Variants in RTEL1 observed in about 807,000 individuals in gnomAD.
The protein encoded by RTEL1 is regulator of telomere elongation helicase 1.
RTEL1 carries 86 observed loss-of-function variants against 162.2 expected under a neutral mutation model. The ratio of observed to expected loss-of-function variants is 0.53; its 90% CI spans 0.45 to 0.63. The LOEUF (loss-of-function observed/expected upper bound fraction) is 0.63, where lower values mean the gene tolerates loss of function less well. Ranked by LOEUF, RTEL1 falls within the 30% of genes least tolerant of loss-of-function variation. RTEL1 has a pLI of 0.00. For synonymous variants in RTEL1, 958 were observed against 717.9 expected (o/e 1.33, Z -5.35); for missense variants, 1,941 against 1,750.2 (o/e 1.11, Z -1.95).
Position 63,661,852 on chromosome 20 carries a change from T to G in RTEL1, c.304T>G (p.Cys102Gly). 6.2e-7 allele frequency: 1 copy of G among 1,613,934 alleles called. No individual in the cohort carries two copies. Among genetic ancestry groups the G allele is most frequent in the Non-Finnish European group, 8.5e-7 (1 of 1,179,852 alleles). The change falls in exon 4 of 35, where the codon TGC becomes GGC. Residue 102 changes from cysteine (C) to glycine (G), a missense_variant and splice_region_variant. Coordinates refer to ENST00000360203, the MANE Select transcript of RTEL1 (RefSeq NM_001283009.2). This position sits in a 1 kb window ranked among gnomAD's most constrained non-coding sequence, Gnocchi z 5.1. ...TGTGCTTGCTTGTGTCTGGTCAGCT[T>G]GCTACACGGACATCCCAAAGATTAT... is the stretch of plus-strand genomic sequence containing the variant. Reference protein sequence around the residue: ...AAAAAGDPIACYTDIPKIIYA... With the variant: ...AAAAAGDPIAGYTDIPKIIYA...
chr20:63,689,951 C>A, intron 24 of RTEL1, 86 bp downstream of exon 24: 1 of 1,550,696 alleles, frequency 6.4e-7, no homozygotes, highest in Non-Finnish European at 8.8e-7. Context: ...CCACATGAGG[C>A]CCCGTCTCCT....
Position 63,690,603 on chromosome 20 carries a change from G to A in RTEL1, c.2413+162G>A, listed in dbSNP as rs566707317. Among the ~76,000 whole-genome samples the A allele has an allele frequency of 1.5e-3, 235 of 152,160 alleles. 1 individual carries two copies. The highest frequency in any genetic ancestry group is 0.014 in the Middle Eastern group (4 of 294). On this transcript the variant is annotated intron_variant, in intron 26 of 34. Transcript: ENST00000360203. ...CTCCCTCCTAGGGCAGGGCCCCCAC[G>A]GGCTGCAACCCTCCCCTACAGGCAG...
At chr20:63,658,620 T>A (rs886686483) in intron 1 of RTEL1, 154 bp downstream of exon 1, 1 of 152,316 alleles carries the variant, frequency 6.6e-6, no homozygotes, top group African/African-American at 2.4e-5. Context: ...ACCTGTAGTT[T>A]CCTGCGCTCG....
At chr20:63,684,264 C>G (rs1261969759) in intron 14 of RTEL1, among the ~76,000 whole-genome samples, 1 of 152,206 alleles carries the variant, frequency 6.6e-6, no homozygotes, top group African/African-American at 2.4e-5. Context: ...CTCGGCTTCC[C>G]CCAACTCCAC....
Position 63,662,000 on chromosome 20 carries a change from G to A in RTEL1, c.395+57G>A, listed in dbSNP as rs2090029841. On this transcript the variant is annotated intron_variant, in intron 4 of 34. Transcript: ENST00000360203. The surrounding 1 kb of genome is among the most constrained non-coding windows in gnomAD (Gnocchi z 5.1). ...GTCCTCAAGAGAACCAGCTTGGCATGGTGCTGAGTCCACAGCCCCATGCTG... is the reference window on the plus strand; with the variant it reads ...GTCCTCAAGAGAACCAGCTTGGCATAGTGCTGAGTCCACAGCCCCATGCTG... 3.8e-6 allele frequency: 5 copies of A among 1,313,320 alleles called. No homozygotes were observed. The Admixed American group carries it at 5.1e-5, about 13-fold the overall frequency. 81.4% of individuals were successfully genotyped at this position (1,313,320 alleles called of 1,614,324 possible). A position where few individuals can be genotyped will look rare whatever the true frequency, so the allele number is the denominator to read the frequency against.
chr20:63,668,604 G>C lies in RTEL1; in HGVS notation c.699+1051G>C, dbSNP rs895530802. Among the ~76,000 whole-genome samples, 1 of 152,122 alleles carries C rather than the reference G, an allele frequency of 6.6e-6. No homozygotes were observed. The highest frequency in any genetic ancestry group is 6.5e-5 in the Admixed American group (1 of 15,270). On this transcript the variant is annotated intron_variant, in intron 8 of 34. Coordinates refer to ENST00000360203, the MANE Select transcript of RTEL1 (RefSeq NM_001283009.2). The surrounding 1 kb of genome is among the most constrained non-coding windows in gnomAD (Gnocchi z 4.3). ...CAGCAGAGCAAGGGAAGAGGTGAGT[G>C]GGGGCGGCTGGGGGGCCGACTCCTG...
At chr20:63,672,137 C>T (rs1457332326) in intron 8 of RTEL1, among the ~76,000 whole-genome samples, 1 of 152,110 alleles carries the variant, frequency 6.6e-6, no homozygotes, top group African/African-American at 2.4e-5. Context: ...CCGCCTCGGC[C>T]TCCCAAAGTG....
At chr20:63,663,351 T>G (rs2090058744) in intron 6 of RTEL1, among the ~76,000 whole-genome samples, 1 of 152,236 alleles carries the variant, frequency 6.6e-6, no homozygotes, top group Non-Finnish European at 1.5e-5. Context: ...GTCTTTTTCC[T>G]GTGCTGACCT....
intron 10 of RTEL1, among the ~76,000 whole-genome samples, chr20:63,676,942 A>G (rs1277224061): frequency 5.3e-5 from 8 of 152,158 alleles, no homozygotes; most frequent in African/African-American, 1.4e-4. Flanking sequence ...TCAAAAATCA[A>G]TCAGTCAATC....
rs202018259 is a variant in RTEL1 at position 63,691,747 on chromosome 20, C to T, written c.2562C>T (p.His854=). The change falls in exon 28 of 35, where the codon CAC becomes CAT. Residue 854 remains histidine, a synonymous_variant. Transcript: ENST00000360203. The stretch of plus-strand genomic sequence containing the variant: ...GTGAGCTGTGTCCTCCTCAGGCCCA[C>T]AGCTGCTCCACCCTGTCCCTCCTGT... ...RAGSPGEEQA[H]SCSTLSLLSE... is the part of the protein sequence containing the mutation. The T allele has an allele frequency of 5.0e-6, 8 of 1,612,368 alleles. No homozygotes were observed. Among genetic ancestry groups the T allele is most frequent in the African/African-American group, 1.3e-5 (1 of 75,024 alleles).
At position 63,690,822 on chromosome 20, in the gene RTEL1, G is replaced by T; in HGVS notation, c.2431G>T (p.Asp811Tyr). Residue 811 changes from aspartate to tyrosine, a missense_variant, in exon 27 of 35, where the codon GAC (aspartate) becomes TAC (tyrosine). Coordinates refer to ENST00000360203, the MANE Select transcript of RTEL1 (RefSeq NM_001283009.2). ...QRSSGSPAAG[D>Y]PESSLCVEYE... Reference sequence around the variant, plus strand: ...CCCTGCAGGGTCACCAGCTGCCGGGGACCCCGAGAGTAGCCTGTGTGTGGA... The same window carrying T: ...CCCTGCAGGGTCACCAGCTGCCGGGTACCCCGAGAGTAGCCTGTGTGTGGA... 4 of 1,604,684 alleles carry T rather than the reference G, an allele frequency of 2.5e-6. No homozygotes were observed. Among genetic ancestry groups the T allele is most frequent in the Non-Finnish European group, 3.4e-6 (4 of 1,177,542 alleles).
At position 63,672,543 on chromosome 20, in the gene RTEL1, C is replaced by A; in HGVS notation, c.700-13C>A. 2 of 1,569,634 alleles carry A rather than the reference C, an allele frequency of 1.3e-6. No individual in the cohort carries two copies. Among genetic ancestry groups the A allele is most frequent in the Non-Finnish European group, 8.7e-7 (1 of 1,154,918 alleles). ...TGAGCTCCAGCGCTGCGTCCCTTCT[C>A]TTCCTCCTGTAGAGCCGCAGAGCAC... On this transcript the variant is annotated splice_polypyrimidine_tract_variant and intron_variant, in intron 8 of 34. Coordinates refer to ENST00000360203, the MANE Select transcript of RTEL1 (RefSeq NM_001283009.2).
intron 7 of RTEL1, among the ~76,000 whole-genome samples, chr20:63,666,353 T>G (rs1306667050): frequency 6.6e-6 from 1 of 152,238 alleles, no homozygotes; most frequent in Admixed American, 6.5e-5. Context: ...ACGCGCAGTT[T>G]TGTCTGCACA....
rs769812313 is a variant in RTEL1 at position 63,685,781 on chromosome 20, TC to T, written c.1267-6del. 1.9e-6 allele frequency: 3 copies of T among 1,610,870 alleles called. No homozygotes were observed. Among genetic ancestry groups the T allele is most frequent in the Non-Finnish European group, 1.7e-6 (2 of 1,179,116 alleles). ...CGGGGCCTCCACACTCCTGGTCCTG[TC>T]CCCTCCAGGTGCACATCCATCCTGA... On this transcript the variant is annotated splice_polypyrimidine_tract_variant and intron_variant, in intron 15 of 34. Transcript: ENST00000360203.
At chr20:63,677,077 C>T (rs34538116) in intron 10 of RTEL1, among the ~76,000 whole-genome samples, 19,260 of 139,124 alleles carry the variant, frequency 0.14, 1,642 homozygotes, top group East Asian at 0.35. Flanking sequence ...CTCTTGTGTC[C>T]TGACCCCGGC....
rs1383875526 is a variant in RTEL1, at chr20:63,663,336, CG to C, written c.538+448del. Among the ~76,000 whole-genome samples, 8 of 152,328 alleles carry C rather than the reference CG, an allele frequency of 5.3e-5. No individual in the cohort carries two copies. The East Asian group carries it at 1.5e-3, about 29-fold the overall frequency. On this transcript the variant is annotated intron_variant, in intron 6 of 34. Transcript: ENST00000360203. ...TGTCTGGCCTCCCGCGACCCTGCCC[CG>C]TGTGTCTTTTTCCTGTGCTGACCTT...
At chr20:63,691,910 G>C in intron 28 of RTEL1, 73 bp downstream of exon 28, 6 of 1,231,098 alleles carry the variant, frequency 4.9e-6, no homozygotes, top group Non-Finnish European at 7.0e-6. Flanking sequence ...GGTGCCCCCA[G>C]CCACGGCTGG....
intron 14 of RTEL1, chr20:63,682,764 G>A: frequency 1.1e-6 from 1 of 890,522 alleles, no homozygotes; most frequent in Non-Finnish European, 1.3e-6. Flanking sequence ...AGAGGATGTG[G>A]GATGCACAGC....
chr20:63,689,582 C>T lies in RTEL1; in HGVS notation c.1959C>T (p.Asp653=), dbSNP rs1215507363. The T allele has an allele frequency of 6.2e-7, 1 of 1,612,230 alleles. No homozygotes were observed. The highest frequency in any genetic ancestry group is 8.5e-7 in the Non-Finnish European group (1 of 1,179,666). ...GCCTCCCGTACCCCCCACGCATGGACCCCCGGGTTGTCCTCAAGATGCAGT... is the reference window on the plus strand; with the variant it reads ...GCCTCCCGTACCCCCCACGCATGGATCCCCGGGTTGTCCTCAAGATGCAGT... The part of the protein sequence containing the change: ...VTGLPYPPRM[D]PRVVLKMQFL... The change falls in exon 23 of 35, where the codon GAC becomes GAT. Residue 653 remains aspartate, a synonymous_variant. Transcript: ENST00000360203.
Sources: allele counts gnomAD v4.1 joint callset (sites outside exome capture counted in the v4.1 genomes callset), GRCh38; gene constraint gnomAD v4.1.1; non-coding constraint Gnocchi (gnomAD v3.1); transcripts MANE v1.5; gene names NCBI Gene and HGNC (gene_info 2026-07-23, HGNC 2026-07-21).